The following IPMK variants were observed in gnomAD, a reference collection of about 807,000 sequenced individuals.
IPMK encodes inositol polyphosphate multikinase, also known as inositol 1,3,4,6-tetrakisphosphate 5-kinase.
A neutral mutation model predicts 45.8 loss-of-function variants in IPMK; 17 were observed. The ratio of observed to expected loss-of-function variants is 0.37; its 90% CI spans 0.25 to 0.56. IPMK has a LOEUF of 0.56. IPMK is among the 20% of genes least tolerant of loss of function. The pLI is 0.79. For synonymous variants in IPMK, 180 were observed against 184.3 expected (o/e 0.98, Z 0.19); for missense variants, 399 against 498.0 (o/e 0.80, Z 1.89).
intron 4 of IPMK, among the ~76,000 whole-genome samples, chr10:58,199,559 G>A (rs995126855): frequency 6.6e-6 from 1 of 152,144 alleles, no homozygotes; most frequent in Non-Finnish European, 1.5e-5. Flanking sequence ...TTTCCAATAT[G>A]ATAAAACTAT....
In IPMK at chr10:58,234,935, T is replaced by C. The variant is rs1300840664; in HGVS notation, c.276+2794A>G. Among the ~76,000 whole-genome samples, 11 of 152,048 alleles carry C rather than the reference T, an allele frequency of 7.2e-5. No homozygotes were observed. The East Asian group carries it at 2.1e-3, about 29-fold the overall frequency. On this transcript the variant is annotated intron_variant, in intron 2 of 5. Coordinates refer to ENST00000373935, the MANE Select transcript of IPMK (RefSeq NM_152230.5). ...CTACCCATCTGACAAAGGGCTAATA[T>C]CCGGAATCTACAACTAACTCAAATA...
intron 5 of IPMK, among the ~76,000 whole-genome samples, chr10:58,197,145 A>G (rs939211413): frequency 6.6e-6 from 1 of 151,040 alleles, no homozygotes; most frequent in African/African-American, 2.4e-5. Context: ...CTAAAAATAC[A>G]AAAAATTAGC....
intron 1 of IPMK, among the ~76,000 whole-genome samples, chr10:58,263,177 G>C (rs180798079): frequency 1.3e-5 from 2 of 152,314 alleles, no homozygotes; most frequent in African/African-American, 4.8e-5. Flanking sequence ...CTTGAAGCCA[G>C]TAGTTCAAGA....
At chr10:58,267,352 G>T in intron 1 of IPMK, 70 bp downstream of exon 1, 3 of 1,508,448 alleles carry the variant, frequency 2.0e-6, no homozygotes, top group East Asian at 4.5e-5. Flanking sequence ...AGAGCGCTAG[G>T]CTGCCTCCGC....
At chr10:58,210,769 C>G (rs1468542794) in intron 4 of IPMK, among the ~76,000 whole-genome samples, 6 of 152,204 alleles carry the variant, frequency 3.9e-5, no homozygotes, top group Non-Finnish European at 8.8e-5. Context: ...GAAGGCAGGT[C>G]TTCCCCCCTC....
chr10:58,222,723 A>G (rs1273419825), intron 3 of IPMK, among the ~76,000 whole-genome samples: 1 of 152,220 alleles, frequency 6.6e-6, no homozygotes, highest in African/African-American at 2.4e-5. Flanking sequence ...TTTCTGAGGT[A>G]AAGATCATGA....
intron 1 of IPMK, among the ~76,000 whole-genome samples, chr10:58,256,594 T>G (rs1289857838): frequency 6.6e-6 from 1 of 152,198 alleles, no homozygotes; most frequent in Non-Finnish European, 1.5e-5. Flanking sequence ...GCATGTGATC[T>G]TTGTGATTTA....
At chr10:58,218,755 A>G (rs1398364513) in intron 3 of IPMK, among the ~76,000 whole-genome samples, 1 of 152,208 alleles carries the variant, frequency 6.6e-6, no homozygotes, top group African/African-American at 2.4e-5. Flanking sequence ...ACTTTTTATG[A>G]TAAGATAAAG....
chr10:58,231,051 T>C (rs767256383), intron 2 of IPMK, among the ~76,000 whole-genome samples: 21 of 152,140 alleles, frequency 1.4e-4, no homozygotes, highest in Non-Finnish European at 3.1e-4. Flanking sequence ...CAATACCCAA[T>C]TCAATCAAGT....
intron 1 of IPMK, among the ~76,000 whole-genome samples, chr10:58,254,640 C>T (rs961500773): frequency 6.6e-6 from 1 of 152,206 alleles, no homozygotes. Context: ...GATGCCTGCA[C>T]ATTTGAAGAG....
At position 58,246,690 on chromosome 10, in the gene IPMK, C is replaced by T. The variant is rs543493823; in HGVS notation, c.191-8876G>A. On this transcript the variant is annotated intron_variant, in intron 1 of 5. Transcript: ENST00000373935. Reference sequence around the variant, plus strand: ...AAAGACTTAAACGCTAGACCTAAAACCATAAAAACCCTAGAAGAAAACCTA... The same window carrying T: ...AAAGACTTAAACGCTAGACCTAAAATCATAAAAACCCTAGAAGAAAACCTA... Among the ~76,000 whole-genome samples the T allele has an allele frequency of 2.6e-5, 4 of 151,234 alleles. No individual in the cohort carries two copies. The East Asian group carries it at 7.8e-4, about 29-fold the overall frequency.
intron 4 of IPMK, among the ~76,000 whole-genome samples, chr10:58,211,501 G>A (rs867064034): frequency 1.6e-4 from 24 of 151,982 alleles, no homozygotes; most frequent in South Asian, 6.2e-4. Flanking sequence ...CTGACTACCC[G>A]GTCTCTAATG....
chr10:58,211,832 GA>G (rs1173762923), intron 4 of IPMK, among the ~76,000 whole-genome samples: 6 of 130,034 alleles, frequency 4.6e-5, no homozygotes, highest in African/African-American at 1.8e-4. Context: ...GGAGGATCCG[GA>G]ACCCAGGGGT....
intron 3 of IPMK, among the ~76,000 whole-genome samples, chr10:58,223,360 C>T (rs1240422134): frequency 6.6e-6 from 1 of 151,986 alleles, no homozygotes; most frequent in Non-Finnish European, 1.5e-5. Flanking sequence ...AAGAGCCCTA[C>T]AGAAAAATCT....
At chr10:58,247,824 A>G (rs1366659638) in intron 1 of IPMK, among the ~76,000 whole-genome samples, 1 of 152,228 alleles carries the variant, frequency 6.6e-6, no homozygotes, top group Non-Finnish European at 1.5e-5. Context: ...AATAAATAAA[A>G]AAGAATTAGA....
chr10:58,235,819 TAAAA>T (rs1222797560), intron 2 of IPMK, among the ~76,000 whole-genome samples: 1 of 150,726 alleles, frequency 6.6e-6, no homozygotes, highest in Non-Finnish European at 1.5e-5. Flanking sequence ...ATAAAAAATT[TAAAA>T]AAAAAGAAAA....
rs80084479 is a variant in IPMK at position 58,228,185 on chromosome 10, G to C, written c.277-1046C>G. On this transcript the variant is annotated intron_variant, in intron 2 of 5. Transcript: ENST00000373935. ...TCCTAGCACAATGACCGTGGGTGCA[G>C]TGCTGAGGATGAGCTAATTACAAGA... Among the ~76,000 whole-genome samples, 80 of 152,316 alleles carry C rather than the reference G, an allele frequency of 5.3e-4. No homozygotes were observed. In the East Asian group the frequency reaches 0.015, roughly 28 times the overall value.
intron 1 of IPMK, among the ~76,000 whole-genome samples, chr10:58,258,737 G>A (rs1156953414): frequency 1.3e-5 from 2 of 151,992 alleles, no homozygotes; most frequent in Admixed American, 6.5e-5. Flanking sequence ...GTACTTAAAG[G>A]GAAATGGGCA....
chr10:58,208,705 T>C (rs950908698), intron 4 of IPMK, among the ~76,000 whole-genome samples: 5 of 152,184 alleles, frequency 3.3e-5, no homozygotes, highest in Non-Finnish European at 2.9e-5. Flanking sequence ...CCTATAGAGT[T>C]GGAATGGCAG....
Sources: allele counts gnomAD v4.1 joint callset (sites outside exome capture counted in the v4.1 genomes callset), GRCh38; gene constraint gnomAD v4.1.1; transcripts MANE v1.5; gene names NCBI Gene and HGNC (gene_info 2026-07-23, HGNC 2026-07-21).